The following SGCZ variants were observed in gnomAD, a reference collection of about 807,000 sequenced individuals.
SGCZ encodes the protein sarcoglycan zeta.
SGCZ carries 40 observed loss-of-function variants against 41.3 expected under a neutral mutation model. The ratio of observed to expected loss-of-function variants is 0.97; its 90% CI spans 0.75 to 1.26. The LOEUF is 1.26. SGCZ is among the 50% of genes most tolerant of loss of function. The pLI is 0.00. For missense variants in SGCZ, 552 were observed against 369.8 expected (o/e 1.49, Z -4.04); for synonymous variants, 206 against 137.5 (o/e 1.50, Z -3.49).
rs115155574 is a variant in SGCZ, at chr8:14,635,611, T to G, written c.40-80685A>C. On this transcript the variant is annotated intron_variant, in intron 1 of 7. Coordinates refer to ENST00000382080, the MANE Select transcript of SGCZ (RefSeq NM_139167.4). ...TCTGAGTAGCAGGTAAAATTTCACA[T>G]ATTCTCTCTTCATCCCAACAGGACA... Among the ~76,000 whole-genome samples, 1,325 of 151,944 alleles carry G rather than the reference T, an allele frequency of 8.7e-3. 16 individuals are homozygous for G. Among genetic ancestry groups the G allele is most frequent in the African/African-American group, 0.03 (1,259 of 41,498 alleles).
At chr8:15,105,275 G>C (rs1806779395) in intron 1 of SGCZ, among the ~76,000 whole-genome samples, 1 of 152,064 alleles carries the variant, frequency 6.6e-6, no homozygotes, top group African/African-American at 2.4e-5. Context: ...TTTCGACCTT[G>C]TCCATGATTA....
chr8:14,742,199 C>T lies in SGCZ; in HGVS notation c.40-187273G>A, dbSNP rs534844861. Among the ~76,000 whole-genome samples the T allele has an allele frequency of 2.1e-4, 32 of 152,072 alleles. 1 individual carries two copies. The highest frequency in any genetic ancestry group is 1.5e-3 in the Admixed American group (23 of 15,218). On this transcript the variant is annotated intron_variant, in intron 1 of 7. Transcript: ENST00000382080. ...CTTGCAATTCAAATAAACCATCTGC[C>T]GTCAGTCTAATGATCCATCTGTGCA...
chr8:14,344,079 A>G (rs1328697193), intron 2 of SGCZ, among the ~76,000 whole-genome samples: 1 of 152,172 alleles, frequency 6.6e-6, no homozygotes, highest in Non-Finnish European at 1.5e-5. Context: ...TGATGTTAAG[A>G]ACTTTATTGA....
At chr8:14,574,256 G>C (rs1804643484) in intron 1 of SGCZ, among the ~76,000 whole-genome samples, 2 of 152,004 alleles carry the variant, frequency 1.3e-5, no homozygotes, top group African/African-American at 4.8e-5. Flanking sequence ...CAGAAGCAAA[G>C]ATTCTTGCTG....
chr8:14,665,401 C>T (rs377636453), intron 1 of SGCZ, among the ~76,000 whole-genome samples: 3 of 152,242 alleles, frequency 2.0e-5, no homozygotes, highest in African/African-American at 7.2e-5. Context: ...TCGTCTTAAT[C>T]CAGTCTATCA....
intron 1 of SGCZ, among the ~76,000 whole-genome samples, chr8:14,751,886 C>A (rs1414738927): frequency 6.6e-6 from 1 of 151,110 alleles, no homozygotes; most frequent in Non-Finnish European, 1.5e-5. Context: ...GAGCCAAAAT[C>A]GCGCCACTGC....
chr8:15,112,916 G>C (rs1242435983), intron 1 of SGCZ, among the ~76,000 whole-genome samples: 6 of 152,108 alleles, frequency 3.9e-5, no homozygotes, highest in Non-Finnish European at 8.8e-5. Context: ...TGTGTGGGTA[G>C]TTTATTAAGT....
chr8:14,964,676 A>G (rs1184478579), intron 1 of SGCZ, among the ~76,000 whole-genome samples: 2 of 152,094 alleles, frequency 1.3e-5, no homozygotes, highest in Admixed American at 1.3e-4. Context: ...TTTTTAAATA[A>G]TTCTGCATTG....
intron 4 of SGCZ, among the ~76,000 whole-genome samples, chr8:14,186,284 A>C (rs1419008782): frequency 6.6e-6 from 1 of 152,208 alleles, no homozygotes; most frequent in Non-Finnish European, 1.5e-5. Flanking sequence ...ATTGAAGAAA[A>C]TTTTTTAAAC....
chr8:14,624,840 G>A (rs1452368848), intron 1 of SGCZ, among the ~76,000 whole-genome samples: 1 of 151,718 alleles, frequency 6.6e-6, no homozygotes, highest in Non-Finnish European at 1.5e-5. Flanking sequence ...CAAAGTGCTG[G>A]GATTACAGGC....
intron 3 of SGCZ, among the ~76,000 whole-genome samples, chr8:14,260,050 T>C (rs1321790710): frequency 6.6e-6 from 1 of 152,170 alleles, no homozygotes; most frequent in Non-Finnish European, 1.5e-5. Flanking sequence ...GTTGGATTCC[T>C]AGGTATTTTC....
chr8:14,773,884 G>A (rs1185385995), intron 1 of SGCZ, among the ~76,000 whole-genome samples: 5 of 152,142 alleles, frequency 3.3e-5, no homozygotes, highest in African/African-American at 1.2e-4. Context: ...AGAACAGTAG[G>A]ATTTAATATA....
At chr8:15,118,715 A>G (rs2054060) in intron 1 of SGCZ, among the ~76,000 whole-genome samples, 70,882 of 151,876 alleles carry the variant, frequency 0.47, 19,114 homozygotes, top group Admixed American at 0.63. Context: ...ATCCTGTCCA[A>G]TTTGTGGTAT....
At chr8:14,885,399 T>A (rs540339546) in intron 1 of SGCZ, among the ~76,000 whole-genome samples, 1 of 152,152 alleles carries the variant, frequency 6.6e-6, no homozygotes, top group Admixed American at 6.6e-5. Context: ...GGCTCTTGAG[T>A]GTGAATTTTG....
intron 1 of SGCZ, among the ~76,000 whole-genome samples, chr8:14,857,227 C>T (rs1212752122): frequency 1.3e-5 from 2 of 152,152 alleles, no homozygotes; most frequent in Non-Finnish European, 2.9e-5. Context: ...CTCAGAAACC[C>T]AGCGGAAGCT....
At chr8:14,999,644 G>A (rs1585455514) in intron 1 of SGCZ, among the ~76,000 whole-genome samples, 1 of 149,976 alleles carries the variant, frequency 6.7e-6, no homozygotes, top group South Asian at 2.1e-4. Flanking sequence ...CTGCAACCCT[G>A]CTTCTATTAC....
intron 1 of SGCZ, among the ~76,000 whole-genome samples, chr8:14,986,101 CA>C (rs1477047443): frequency 2.0e-5 from 3 of 151,970 alleles, no homozygotes; most frequent in Admixed American, 6.6e-5. Flanking sequence ...ATGTATGGCA[CA>C]TTTTTAAGTT....
chr8:14,950,903 T>C (rs542727113), intron 1 of SGCZ, among the ~76,000 whole-genome samples: 1 of 152,026 alleles, frequency 6.6e-6, no homozygotes, highest in Non-Finnish European at 1.5e-5. Flanking sequence ...TAAATTTAAA[T>C]GGAAAGAGCC....
intron 4 of SGCZ, among the ~76,000 whole-genome samples, chr8:14,229,227 A>C (rs1006360878): frequency 5.9e-5 from 9 of 152,146 alleles, no homozygotes; most frequent in African/African-American, 2.2e-4. Flanking sequence ...GACACAAACA[A>C]TGAGCATCTC....
Sources: allele counts gnomAD v4.1 joint callset (sites outside exome capture counted in the v4.1 genomes callset), GRCh38; gene constraint gnomAD v4.1.1; transcripts MANE v1.5; gene names NCBI Gene and HGNC (gene_info 2026-07-23, HGNC 2026-07-21).